CDH13: variants seen among roughly 807,000 people sequenced by gnomAD.
CDH13 encodes cadherin 13, also known as cadherin-13.
CDH13 carries 24 observed loss-of-function variants against 63.8 expected under a neutral mutation model. That is an observed-to-expected ratio of 0.38 (90% CI 0.27 to 0.53). The LOEUF (loss-of-function observed/expected upper bound fraction) is 0.53. Ranked by LOEUF, CDH13 falls within the 20% of genes least tolerant of loss-of-function variation. The pLI, the probability that CDH13 is intolerant of heterozygous loss-of-function variation, is 0.85. For synonymous variants in CDH13, 503 were observed against 355.3 expected (o/e 1.42, Z -4.67); for missense variants, 1,049 against 903.1 (o/e 1.16, Z -2.07).
intron 1 of CDH13, among the ~76,000 whole-genome samples, chr16:82,662,733 G>A (rs539284498): frequency 2.4e-4 from 37 of 152,314 alleles, no homozygotes; most frequent in Non-Finnish European, 5.0e-4. Context: ...CAGATCACTG[G>A]GCTTAAATGT....
intron 2 of CDH13, among the ~76,000 whole-genome samples, chr16:82,893,332 A>AC (rs2041146444): frequency 6.6e-6 from 1 of 151,432 alleles, no homozygotes; most frequent in Non-Finnish European, 1.5e-5. Flanking sequence ...CACTTTTAAT[A>AC]TGGCCTAAGC....
intron 1 of CDH13, among the ~76,000 whole-genome samples, chr16:82,774,794 T>C (rs1302445728): frequency 6.6e-6 from 1 of 152,180 alleles, no homozygotes; most frequent in East Asian, 1.9e-4. Context: ...TTCTCCTTCA[T>C]GAGAAGCCCC....
At chr16:83,022,913 C>G (rs907024371) in intron 2 of CDH13, 3 of 152,186 alleles carry the variant, frequency 2.0e-5, no homozygotes, top group Admixed American at 6.5e-5. Flanking sequence ...GCTCTGCAAG[C>G]AGGACTGTTC....
rs138845484 is a variant in CDH13 at position 83,066,965 on chromosome 16, G to T, written c.366+34747G>T. On this transcript the variant is annotated intron_variant, in intron 3 of 13. Coordinates refer to ENST00000567109, the MANE Select transcript of CDH13 (RefSeq NM_001257.5). ...TTTGTCACCAAATGCTGAAGTCTTTGCTTCAGCAATTTTTCCTGCCTCTAG... is the reference window on the plus strand; with the variant it reads ...TTTGTCACCAAATGCTGAAGTCTTTTCTTCAGCAATTTTTCCTGCCTCTAG... 7.9e-4 allele frequency among the ~76,000 whole-genome samples: 120 copies of T among 152,268 alleles called. 2 individuals are homozygous for T. In the East Asian group the frequency reaches 0.019, roughly 24 times the overall value.
At chr16:83,241,568 T>G (rs1265883567) in intron 5 of CDH13, among the ~76,000 whole-genome samples, 3 of 152,238 alleles carry the variant, frequency 2.0e-5, no homozygotes, top group African/African-American at 4.8e-5. Flanking sequence ...TGATTTGCAT[T>G]TCTTTTAGGA....
intron 7 of CDH13, among the ~76,000 whole-genome samples, chr16:83,581,888 A>T (rs563378772): frequency 6.6e-6 from 1 of 152,200 alleles, no homozygotes; most frequent in African/African-American, 2.4e-5. Context: ...TTTTTATTTC[A>T]TCTCCTCCTT....
intron 7 of CDH13, among the ~76,000 whole-genome samples, chr16:83,511,094 A>AGGCACACG (rs147339336): frequency 1.3e-5 from 2 of 151,222 alleles, no homozygotes; most frequent in Non-Finnish European, 3.0e-5. Flanking sequence ...GCACACACAC[A>AGGCACACG]TGCACACATG....
rs528990057 is a variant in CDH13, at chr16:82,988,639, T to C, written c.158-43371T>C. Reference sequence around the variant, plus strand: ...AGCTGGGCATGTTGGTGGGTGCCTGTAATCCCAGCTACTCTGGAGGCCCGA... The same window carrying C: ...AGCTGGGCATGTTGGTGGGTGCCTGCAATCCCAGCTACTCTGGAGGCCCGA... On this transcript the variant is annotated intron_variant, in intron 2 of 13. Coordinates refer to ENST00000567109, the MANE Select transcript of CDH13 (RefSeq NM_001257.5). Among the ~76,000 whole-genome samples the C allele has an allele frequency of 4.0e-5, 6 of 151,850 alleles. No homozygotes were observed. In the South Asian group the frequency reaches 1.2e-3, roughly 32 times the overall value.
chr16:83,275,488 A>C (rs1229896402), intron 5 of CDH13, among the ~76,000 whole-genome samples: 4 of 152,176 alleles, frequency 2.6e-5, no homozygotes, highest in Non-Finnish European at 5.9e-5. Context: ...CAGGCTTCTT[A>C]GTTTTTCTCT....
intron 5 of CDH13, among the ~76,000 whole-genome samples, chr16:83,341,564 T>C (rs2090723429): frequency 6.6e-6 from 1 of 152,170 alleles, no homozygotes. Context: ...CATTTCCTAT[T>C]ATATATTTTA....
intron 4 of CDH13, among the ~76,000 whole-genome samples, chr16:83,171,948 A>G (rs2037938178): frequency 6.6e-6 from 1 of 152,122 alleles, no homozygotes; most frequent in Non-Finnish European, 1.5e-5. Context: ...GCATGGTGAG[A>G]TAGCTGGTGG....
At chr16:82,858,166 G>T (rs1278209540) in intron 1 of CDH13, among the ~76,000 whole-genome samples, 196 bp from the exon 2 acceptor site, 1 of 152,186 alleles carries the variant, frequency 6.6e-6, no homozygotes, top group Non-Finnish European at 1.5e-5. Flanking sequence ...TGCAGCAGCT[G>T]TTCCATTTGC....
chr16:82,980,894 T>C (rs1404705253), intron 2 of CDH13, among the ~76,000 whole-genome samples: 2 of 152,226 alleles, frequency 1.3e-5, no homozygotes, highest in African/African-American at 2.4e-5. Flanking sequence ...GAAGTTCTTA[T>C]TGGCTGCTCC....
chr16:82,979,850 C>A (rs1355751151), intron 2 of CDH13, among the ~76,000 whole-genome samples: 1 of 152,054 alleles, frequency 6.6e-6, no homozygotes, highest in African/African-American at 2.4e-5. Context: ...GAAAGTGTGG[C>A]ACAGTCATTA....
chr16:83,751,212 A>G (rs903511567), intron 11 of CDH13, among the ~76,000 whole-genome samples: 6 of 152,212 alleles, frequency 3.9e-5, no homozygotes, highest in Admixed American at 6.5e-5. Context: ...AGAATAAGTC[A>G]TGAAATCAAT....
chr16:83,610,814 A>G (rs1011562067), intron 8 of CDH13, among the ~76,000 whole-genome samples: 1 of 152,196 alleles, frequency 6.6e-6, no homozygotes, highest in African/African-American at 2.4e-5. Context: ...TGAAGCTTAT[A>G]TGTGTTTCTG....
intron 4 of CDH13, among the ~76,000 whole-genome samples, chr16:83,203,839 T>C (rs538707476): frequency 4.3e-4 from 66 of 152,238 alleles, no homozygotes; most frequent in Non-Finnish European, 8.4e-4. Flanking sequence ...TAAGCATGTA[T>C]AGTTCAACAG....
At chr16:83,707,888 G>A (rs1907372431) in intron 10 of CDH13, among the ~76,000 whole-genome samples, 1 of 141,700 alleles carries the variant, frequency 7.1e-6, no homozygotes, top group African/African-American at 2.6e-5. Context: ...TTGAGGAGAA[G>A]GCAAGAATAC....
At chr16:82,695,274 G>A (rs1317061779) in intron 1 of CDH13, among the ~76,000 whole-genome samples, 1 of 152,176 alleles carries the variant, frequency 6.6e-6, no homozygotes, top group East Asian at 1.9e-4. Flanking sequence ...TCTGTGTGGT[G>A]TTTGGATCTT....
Sources: gnomAD v4.1 joint callset for allele counts (sites outside exome capture counted in the v4.1 genomes callset) on GRCh38, gnomAD v4.1.1 for gene constraint, MANE v1.5 for transcripts, NCBI Gene and HGNC (gene_info 2026-07-23, HGNC 2026-07-21) for gene names.